MSANTD4: variants seen among roughly 807,000 people sequenced by gnomAD.
The protein encoded by MSANTD4 is myb/SANT-like DNA-binding domain-containing protein 4.
In MSANTD4, 13 loss-of-function variants were observed where a neutral mutation model predicts 34.3. That is an observed-to-expected ratio of 0.38 (90% CI 0.25 to 0.60). MSANTD4 has a LOEUF of 0.60. MSANTD4 is among the 20% of genes least tolerant of loss of function. The pLI is 0.63. For missense variants in MSANTD4, 358 were observed against 401.8 expected (o/e 0.89, Z 0.93); for synonymous variants, 137 against 145.2 (o/e 0.94, Z 0.41).
chr11:106,013,394 C>T lies in MSANTD4; in HGVS notation c.-150-2327G>A, dbSNP rs140808991. On this transcript the variant is annotated intron_variant, in intron 1 of 2. Coordinates refer to ENST00000301919, the MANE Select transcript of MSANTD4 (RefSeq NM_032424.3). ...GAAGTTCCAAATCCTGTCATTTAAA[C>T]CCCATCATAACATTAAATGGGAGAT... Among the ~76,000 whole-genome samples, 84 of 152,292 alleles carry T rather than the reference C, an allele frequency of 5.5e-4. 1 individual carries two copies. In the East Asian group the frequency reaches 0.015, roughly 28 times the overall value.
intron 1 of MSANTD4, among the ~76,000 whole-genome samples, chr11:106,011,590 A>G (rs1859694494): frequency 6.6e-6 from 1 of 151,720 alleles, no homozygotes; most frequent in South Asian, 2.1e-4. Flanking sequence ...CTCTTCCTAG[A>G]CTGGATTTTA....
At chr11:106,019,499 G>A (rs1235903556) in intron 1 of MSANTD4, among the ~76,000 whole-genome samples, 1 of 152,162 alleles carries the variant, frequency 6.6e-6, no homozygotes, top group Non-Finnish European at 1.5e-5. Context: ...CCTGACCTTG[G>A]ACTATCACAC....
intron 1 of MSANTD4, among the ~76,000 whole-genome samples, chr11:106,012,144 CAAAA>C (rs56408049): frequency 7.1e-6 from 1 of 141,494 alleles, no homozygotes; most frequent in African/African-American, 2.6e-5. Context: ...AAAAGATAAC[CAAAA>C]AAAAAAAAAA....
Position 106,008,697 on chromosome 11 carries a change from T to G in MSANTD4, c.*838A>C, listed in dbSNP as rs1257723905. ...CAGTACATTACTGAAATGACATTTT[T>G]GTACCCAAACTAAGACAATGACTGA... On this transcript the variant is annotated 3_prime_UTR_variant, in exon 3 of 3. Coordinates refer to ENST00000301919, the MANE Select transcript of MSANTD4 (RefSeq NM_032424.3). 6.6e-6 allele frequency: 1 copy of G among 152,224 alleles called. No homozygotes were observed. The highest frequency in any genetic ancestry group is 2.4e-5 in the African/African-American group (1 of 41,454). 9.4% of individuals were successfully genotyped at this position (152,224 alleles called of 1,614,324 possible).
Position 106,010,033 on chromosome 11 carries a change from G to C in MSANTD4, c.540C>G (p.Phe180Leu), listed in dbSNP as rs140719237. Residue 180 changes from phenylalanine to leucine, a missense_variant, in exon 3 of 3, where the codon TTC becomes TTG. Phe to Leu is a conservative substitution (Grantham distance 22). This residue lies in a region of MSANTD4 where 312 missense variants were observed against 317.6 expected (regional missense o/e 0.98). Coordinates refer to ENST00000301919, the MANE Select transcript of MSANTD4 (RefSeq NM_032424.3). Reference sequence around the variant, plus strand: ...GGGTAAAAAACTCATCAATGTGGGGGAAATCGGGAAGTTCATTTTCTCTCC... The same window carrying C: ...GGGTAAAAAACTCATCAATGTGGGGCAAATCGGGAAGTTCATTTTCTCTCC... The part of the protein sequence containing the change: ...DSRRENELPD[F>L]PHIDEFFTLN... 6.2e-7 allele frequency: 1 copy of C among 1,601,650 alleles called. No individual in the cohort carries two copies. The highest frequency in any genetic ancestry group is 2.2e-5 in the East Asian group (1 of 44,826).
At position 106,022,075 on chromosome 11, in the gene MSANTD4, G is replaced by C. The variant is rs770800466; in HGVS notation, c.-1264C>G. 1 of 152,262 alleles carries C rather than the reference G, an allele frequency of 6.6e-6. No homozygotes were observed. The highest frequency in any genetic ancestry group is 6.5e-5 in the Admixed American group (1 of 15,272). 9.4% of individuals were successfully genotyped at this position (152,262 alleles called of 1,614,324 possible). A position where few individuals can be genotyped will look rare whatever the true frequency, so the allele number is the denominator to read the frequency against. On this transcript the variant is annotated 5_prime_UTR_variant, in exon 1 of 3. Coordinates refer to ENST00000301919, the MANE Select transcript of MSANTD4 (RefSeq NM_032424.3). The stretch of plus-strand genomic sequence containing the variant: ...ACGTCGCAGCCCTTGGACCAAACCC[G>C]GCAGCAAGCGTTGCGCCAATTGCCG...
At position 106,010,931 on chromosome 11, in the gene MSANTD4, G is replaced by A. The variant is rs1416455269; in HGVS notation, c.-14C>T. 1 of 1,574,126 alleles carries A rather than the reference G, an allele frequency of 6.4e-7. No individual in the cohort carries two copies. The highest frequency in any genetic ancestry group is 2.2e-5 in the East Asian group (1 of 44,570). On this transcript the variant is annotated 5_prime_UTR_variant, in exon 2 of 3. Transcript: ENST00000301919. ...CAACTGCTTCATTTTCAATTTCAAT[G>A]CAGTTTTTATGGTAAGAGATGTGAA...
Position 106,009,589 on chromosome 11 carries a change from G to T in MSANTD4, c.984C>A (p.Arg328=). 4.3e-6 allele frequency: 7 copies of T among 1,614,000 alleles called. No individual in the cohort carries two copies. The highest frequency in any genetic ancestry group is 5.9e-6 in the Non-Finnish European group (7 of 1,179,980). ...GAAGTCTGTCTTTCTCTACCTGTAA[G>T]CGTTCCTTTTCAATCTGCAGCTTCT... ...ESEKLQIEKE[R]LQVEKDRLRI... Residue 328 remains arginine, a synonymous_variant, in exon 3 of 3, where the codon CGC becomes CGA. Coordinates refer to ENST00000301919, the MANE Select transcript of MSANTD4 (RefSeq NM_032424.3).
chr11:106,017,823 A>C (rs1041033675), intron 1 of MSANTD4, among the ~76,000 whole-genome samples: 17 of 152,344 alleles, frequency 1.1e-4, no homozygotes, highest in African/African-American at 3.6e-4. Context: ...CGAAGTTGGA[A>C]TCCACAGTGA....
chr11:106,012,024 TA>T (rs1859709367), intron 1 of MSANTD4, among the ~76,000 whole-genome samples: 2 of 151,484 alleles, frequency 1.3e-5, no homozygotes, highest in Admixed American at 1.3e-4. Flanking sequence ...GAAAGTATTG[TA>T]GGAATATGAC....
At chr11:106,017,866 T>C (rs932175803) in intron 1 of MSANTD4, among the ~76,000 whole-genome samples, 4 of 152,108 alleles carry the variant, frequency 2.6e-5, no homozygotes, top group African/African-American at 7.2e-5. Context: ...AATTATACAA[T>C]TGAAAAACAT....
rs999789233 is a variant in MSANTD4, at chr11:106,022,239, A to C, written c.-1428T>G. 14 of 152,400 alleles carry C rather than the reference A, an allele frequency of 9.2e-5. No individual in the cohort carries two copies. Among genetic ancestry groups the C allele is most frequent in the African/African-American group, 2.9e-4 (12 of 41,458 alleles). The allele number at this position is 152,400 out of a possible 1,614,324, so 9.4% of individuals were successfully genotyped here. ...TCCCCACGGTCGCCCCAAGGGGGGT[A>C]GGAAAAAAGATGCTTCATTGATCCC... On this transcript the variant is annotated 5_prime_UTR_variant, in exon 1 of 3. Coordinates refer to ENST00000301919, the MANE Select transcript of MSANTD4 (RefSeq NM_032424.3).
In MSANTD4 at chr11:106,011,043, A is replaced by C; in HGVS notation, c.-126T>G. 2 of 1,419,880 alleles carry C rather than the reference A, an allele frequency of 1.4e-6. No homozygotes were observed. The highest frequency in any genetic ancestry group is 1.8e-6 in the Non-Finnish European group (2 of 1,089,474). The allele number at this position is 1,419,880 out of a possible 1,614,324, so 88.0% of individuals were successfully genotyped here. A position where few individuals can be genotyped will look rare whatever the true frequency, so the allele number is the denominator to read the frequency against. On this transcript the variant is annotated 5_prime_UTR_variant, in exon 2 of 3. An upstream open reading frame in the 5' UTR loses its in-frame stop. Coordinates refer to ENST00000301919, the MANE Select transcript of MSANTD4 (RefSeq NM_032424.3). Reference sequence around the variant, plus strand: ...TCAAATCATTGTCTTCCATTCATCTAGTGGCAAGGCAGTCTGGATAATTCC... The same window carrying C: ...TCAAATCATTGTCTTCCATTCATCTCGTGGCAAGGCAGTCTGGATAATTCC...
chr11:106,008,040 A>G lies in MSANTD4; in HGVS notation c.*1495T>C, dbSNP rs1859579410. 6.5e-6 allele frequency: 1 copy of G among 152,690 alleles called. No homozygotes were observed. Among genetic ancestry groups the G allele is most frequent in the African/African-American group, 2.4e-5 (1 of 41,466 alleles). 9.5% of individuals were successfully genotyped at this position (152,690 alleles called of 1,614,324 possible). On this transcript the variant is annotated 3_prime_UTR_variant, in exon 3 of 3. Coordinates refer to ENST00000301919, the MANE Select transcript of MSANTD4 (RefSeq NM_032424.3). ...TACCCATCCTCAAATGTCAACACAC[A>G]GTTTCCAGCCATTCTTACAAGGAAC... is the stretch of plus-strand genomic sequence containing the variant.
rs148031078 is a variant in MSANTD4, at chr11:106,015,014, A to C, written c.-150-3947T>G. Reference sequence around the variant, plus strand: ...ATAGACTTTGAAAATTTCTCAAGAGAAATTTAATAATAAAATTGAAATCCA... The same window carrying C: ...ATAGACTTTGAAAATTTCTCAAGAGCAATTTAATAATAAAATTGAAATCCA... On this transcript the variant is annotated intron_variant, in intron 1 of 2. Transcript: ENST00000301919. Among the ~76,000 whole-genome samples the C allele has an allele frequency of 5.3e-4, 81 of 152,366 alleles. 1 individual carries two copies. Among genetic ancestry groups the C allele is most frequent in the Admixed American group, 4.4e-3 (68 of 15,306 alleles).
Position 106,008,085 on chromosome 11 carries a change from T to C in MSANTD4, c.*1450A>G, listed in dbSNP as rs941319199. The C allele has an allele frequency of 6.6e-6, 1 of 152,570 alleles. No individual in the cohort carries two copies. The highest frequency in any genetic ancestry group is 2.4e-5 in the African/African-American group (1 of 41,428). The allele number at this position is 152,570 out of a possible 1,614,324, so 9.5% of individuals were successfully genotyped here. ...AGGAACAAATGCAAAATTAAAGTAATAACTGTCAACAGAAGAGCTGTATTA... is the reference window on the plus strand; with the variant it reads ...AGGAACAAATGCAAAATTAAAGTAACAACTGTCAACAGAAGAGCTGTATTA... On this transcript the variant is annotated 3_prime_UTR_variant, in exon 3 of 3. Transcript: ENST00000301919.
At position 106,009,425 on chromosome 11, in the gene MSANTD4, C is replaced by A. The variant is rs1461988106; in HGVS notation, c.*110G>T. 9.5e-7 allele frequency: 1 copy of A among 1,057,162 alleles called. No individual in the cohort carries two copies. The highest frequency in any genetic ancestry group is 1.4e-6 in the Non-Finnish European group (1 of 734,434). The allele number at this position is 1,057,162 out of a possible 1,614,324, so 65.5% of individuals were successfully genotyped here. A position where few individuals can be genotyped will look rare whatever the true frequency, so the allele number is the denominator to read the frequency against. ...CCACATATAACTTTTTCCTACTGAA[C>A]ACTGACATTAGACAAGAAACCACAG... is the stretch of plus-strand genomic sequence containing the variant. On this transcript the variant is annotated 3_prime_UTR_variant, in exon 3 of 3. Coordinates refer to ENST00000301919, the MANE Select transcript of MSANTD4 (RefSeq NM_032424.3).
intron 1 of MSANTD4, 59 bp from the exon 2 acceptor site, chr11:106,011,126 C>A: frequency 1.3e-6 from 1 of 790,686 alleles, no homozygotes; most frequent in Non-Finnish European, 1.9e-6. Context: ...CATACTTCAA[C>A]CTAATGAACT....
At chr11:106,020,451 T>C (rs1173968780) in intron 1 of MSANTD4, among the ~76,000 whole-genome samples, 1 of 152,222 alleles carries the variant, frequency 6.6e-6, no homozygotes, top group Non-Finnish European at 1.5e-5. Context: ...TAGTAACATA[T>C]AAATATATAA....
Sources: allele counts gnomAD v4.1 joint callset (sites outside exome capture counted in the v4.1 genomes callset), GRCh38; gene constraint gnomAD v4.1.1; regional missense constraint gnomAD v4.1.1; transcripts MANE v1.5; gene names NCBI Gene and HGNC (gene_info 2026-07-23, HGNC 2026-07-21).